Variants in SHISA9 observed in about 807,000 individuals in gnomAD.
SHISA9 encodes shisa family member 9, also known as protein shisa-9.
A neutral mutation model predicts 38.0 loss-of-function variants in SHISA9; 13 were observed. That is an observed-to-expected ratio of 0.34 (90% CI 0.22 to 0.54). The LOEUF (loss-of-function observed/expected upper bound fraction) is 0.54. SHISA9 is among the 20% of genes least tolerant of loss of function. The pLI, the probability that SHISA9 is intolerant of heterozygous loss-of-function variation, is 0.91. For missense variants in SHISA9, 538 were observed against 575.8 expected (o/e 0.93, Z 0.67); for synonymous variants, 275 against 242.0 (o/e 1.14, Z -1.27).
chr16:13,340,614 G>A, the SHISA9 span, among the ~76,000 whole-genome samples: 1 of 152,162 alleles, frequency 6.6e-6, no homozygotes, highest in East Asian at 1.9e-4. Context: ...CCGGACAGGG[G>A]GACCCTTTTG....
intron 2 of SHISA9, among the ~76,000 whole-genome samples, chr16:12,950,057 C>G (rs972232089): frequency 6.6e-6 from 1 of 152,212 alleles, no homozygotes; most frequent in African/African-American, 2.4e-5. Flanking sequence ...AAACACCGTT[C>G]TATTCTCTAG....
chr16:13,246,676 G>A, the SHISA9 span, among the ~76,000 whole-genome samples: 1 of 152,280 alleles, frequency 6.6e-6, no homozygotes, highest in Non-Finnish European at 1.5e-5. Flanking sequence ...TTGTGAAGCA[G>A]TAACTTCCTT....
chr16:13,393,053 G>T, the SHISA9 span, among the ~76,000 whole-genome samples: 1 of 152,224 alleles, frequency 6.6e-6, no homozygotes, highest in Non-Finnish European at 1.5e-5. Flanking sequence ...TCTGCCCACT[G>T]ATGGGAACCA....
At chr16:13,115,518 C>T (rs1463783879) in intron 2 of SHISA9, among the ~76,000 whole-genome samples, 1 of 152,326 alleles carries the variant, frequency 6.6e-6, no homozygotes, top group African/African-American at 2.4e-5. Flanking sequence ...CGGTTTTCTG[C>T]CCTGGGCGGG....
chr16:13,440,299 G>A, the SHISA9 span, among the ~76,000 whole-genome samples: 1 of 152,194 alleles, frequency 6.6e-6, no homozygotes, highest in African/African-American at 2.4e-5. Flanking sequence ...TCCCGTTAAT[G>A]CCTTCTGTTT....
At chr16:13,282,195 A>G in the SHISA9 span, among the ~76,000 whole-genome samples, 1 of 151,940 alleles carries the variant, frequency 6.6e-6, no homozygotes, top group South Asian at 2.1e-4. Flanking sequence ...CTGGTAATGT[A>G]TTCTTCCAGG....
intron 2 of SHISA9, among the ~76,000 whole-genome samples, chr16:12,917,781 AAACAATTC>A (rs1407834636): frequency 6.6e-6 from 1 of 152,250 alleles, no homozygotes; most frequent in Non-Finnish European, 1.5e-5. Context: ...CTGAAAACAG[AAACAATTC>A]TAATGATGCA....
the SHISA9 span, among the ~76,000 whole-genome samples, chr16:13,431,303 G>A: frequency 6.6e-6 from 1 of 152,170 alleles, no homozygotes; most frequent in Non-Finnish European, 1.5e-5. Context: ...TCATGTCTTG[G>A]AGTGGGCAAA....
chr16:13,078,065 G>C (rs550167023), intron 2 of SHISA9, among the ~76,000 whole-genome samples: 1 of 152,280 alleles, frequency 6.6e-6, no homozygotes, highest in Non-Finnish European at 1.5e-5. Context: ...CATGCAGTTG[G>C]AATTAAAACA....
At chr16:13,494,078 G>T in the SHISA9 span, among the ~76,000 whole-genome samples, 4 of 152,182 alleles carry the variant, frequency 2.6e-5, no homozygotes, top group Non-Finnish European at 5.9e-5. Context: ...AACTGAAGCG[G>T]GAAGAAAGAA....
intron 2 of SHISA9, among the ~76,000 whole-genome samples, chr16:13,081,944 T>C (rs1172203731): frequency 1.3e-5 from 2 of 152,136 alleles, no homozygotes; most frequent in Non-Finnish European, 2.9e-5. Flanking sequence ...TGGCACAATT[T>C]ACTGCCCCTC....
At chr16:13,197,864 A>T (rs191486612) in intron 2 of SHISA9, among the ~76,000 whole-genome samples, 1 of 152,156 alleles carries the variant, frequency 6.6e-6, no homozygotes, top group Admixed American at 6.6e-5. Context: ...ACTGGATTCC[A>T]TCTATTGCTA....
the SHISA9 span, among the ~76,000 whole-genome samples, chr16:13,270,824 A>G: frequency 6.6e-6 from 1 of 152,218 alleles, no homozygotes; most frequent in South Asian, 2.1e-4. Context: ...GGAGGGGTAG[A>G]GCACCTTGGA....
the SHISA9 span, among the ~76,000 whole-genome samples, chr16:13,425,358 G>A: frequency 2.6e-5 from 4 of 152,204 alleles, no homozygotes; most frequent in Admixed American, 6.5e-5. Context: ...ATGGTGGCAC[G>A]TTTCTGTAGT....
At chr16:13,454,668 A>G in the SHISA9 span, among the ~76,000 whole-genome samples, 1 of 152,194 alleles carries the variant, frequency 6.6e-6, no homozygotes. Context: ...TGGCCTCTAC[A>G]AAAGAAGCCA....
intron 2 of SHISA9, among the ~76,000 whole-genome samples, chr16:13,136,988 A>G (rs1426542817): frequency 1.3e-5 from 2 of 152,238 alleles, no homozygotes; most frequent in Admixed American, 1.3e-4. Flanking sequence ...CAGAACAAGG[A>G]TTAATTATTG....
chr16:13,018,878 C>T (rs1382868746), intron 2 of SHISA9, among the ~76,000 whole-genome samples: 1 of 152,190 alleles, frequency 6.6e-6, no homozygotes, highest in African/African-American at 2.4e-5. Context: ...GGTCCCAGAA[C>T]CGAAGAACGC....
chr16:13,169,020 C>T (rs1307577471), intron 2 of SHISA9, among the ~76,000 whole-genome samples: 1 of 152,158 alleles, frequency 6.6e-6, no homozygotes, highest in Non-Finnish European at 1.5e-5. Context: ...GAGGCATGGA[C>T]CTTAGCAAAG....
chr16:13,137,158 T>C (rs1320980408), intron 2 of SHISA9, among the ~76,000 whole-genome samples: 4 of 152,204 alleles, frequency 2.6e-5, no homozygotes, highest in Non-Finnish European at 4.4e-5. Flanking sequence ...GCAACAATCC[T>C]AACCTTCTGT....
Sources: gnomAD v4.1 joint callset for allele counts (sites outside exome capture counted in the v4.1 genomes callset) on GRCh38, gnomAD v4.1.1 for gene constraint, MANE v1.5 for transcripts, NCBI Gene and HGNC (gene_info 2026-07-23, HGNC 2026-07-21) for gene names.